Variants in TECTA observed in about 807,000 individuals in gnomAD.
TECTA encodes tectorin alpha.
A neutral mutation model predicts 216.8 loss-of-function variants in TECTA; 128 were observed. The ratio of observed to expected loss-of-function variants is 0.59; its 90% CI spans 0.51 to 0.68. The LOEUF (loss-of-function observed/expected upper bound fraction) is 0.68, where lower values mean the gene tolerates loss of function less well. Ranked by LOEUF, TECTA falls within the 30% of genes least tolerant of loss-of-function variation. TECTA has a pLI of 0.00. For synonymous variants in TECTA, 1,089 were observed against 1,117.1 expected, an observed-to-expected ratio of 0.97 and a Z score of 0.50; for missense variants, 2,551 against 2,786.2, an observed-to-expected ratio of 0.92 and a Z score of 1.90.
Position 121,118,357 on chromosome 11 carries a change from T to C in TECTA, c.842T>C (p.Val281Ala). ...TTTTGGGATGACTTGAACTGCACCG[T>C]CAAGTGCCGCTGTCTGGATTTCAAC... is the stretch of plus-strand genomic sequence containing the variant. ...EVFWDDLNCT[V>A]KCRCLDFNNE... The change falls in exon 7 of 24, where the codon GTC becomes GCC. Residue 281 changes from valine to alanine, a missense_variant. Val to Ala is a moderately conservative substitution (Grantham distance 64). Transcript: ENST00000392793. 1 of 1,614,154 alleles carries C rather than the reference T, an allele frequency of 6.2e-7. No homozygotes were observed. Among genetic ancestry groups the C allele is most frequent in the South Asian group, 1.1e-5 (1 of 91,072 alleles).
At position 121,105,722 on chromosome 11, in the gene TECTA, C is replaced by G. The variant is rs112174996; in HGVS notation, c.65-109C>G. 6 of 1,438,524 alleles carry G rather than the reference C, an allele frequency of 4.2e-6. No homozygotes were observed. In the African/African-American group the frequency reaches 5.6e-5, roughly 13 times the overall value. 89.1% of individuals were successfully genotyped at this position (1,438,524 alleles called of 1,614,324 possible). ...ATGACAGGGCAGTATGACTTGCATT[C>G]AGCTTGCAAGCCCTACTGAAAGAAG... On this transcript the variant is annotated intron_variant, in intron 2 of 23. Coordinates refer to ENST00000392793, the MANE Select transcript of TECTA (RefSeq NM_005422.4). The surrounding 1 kb of genome is among the most constrained non-coding windows in gnomAD (Gnocchi z 5.3).
At chr11:121,159,245 A>C (rs1021833746) in intron 14 of TECTA, among the ~76,000 whole-genome samples, 1 of 152,236 alleles carries the variant, frequency 6.6e-6, no homozygotes, top group African/African-American at 2.4e-5. Context: ...CTTCAATGAA[A>C]GGTGCCACTG....
intron 19 of TECTA, 86 bp from the exon 20 acceptor site, chr11:121,168,591 C>T: frequency 6.2e-7 from 1 of 1,608,040 alleles, no homozygotes; most frequent in Non-Finnish European, 8.5e-7. Flanking sequence ...TTTGCTTTCC[C>T]TCTGCATTCT....
chr11:121,189,033 A>T (rs1386775221), intron 21 of TECTA, 47 bp from the exon 22 acceptor site: 3 of 1,590,386 alleles, frequency 1.9e-6, no homozygotes, highest in Non-Finnish European at 2.6e-6. Context: ...AGAATAAGTT[A>T]TCAGCTTAAT....
intron 3 of TECTA, among the ~76,000 whole-genome samples, chr11:121,108,968 A>G (rs533345259): frequency 6.6e-6 from 1 of 152,362 alleles, no homozygotes; most frequent in East Asian, 1.9e-4. Flanking sequence ...CATGAAAATG[A>G]GACTGATTAT....
At position 121,157,880 on chromosome 11, in the gene TECTA, TGCCGCTGTTTCCGTC is replaced by T; in HGVS notation, c.4348_4362del (p.Arg1450_Arg1454del). The T allele has an allele frequency of 6.2e-7, 1 of 1,614,214 alleles. No individual in the cohort carries two copies. The highest frequency in any genetic ancestry group is 8.5e-7 in the Non-Finnish European group (1 of 1,180,042). On this transcript the variant is annotated inframe_deletion, in exon 14 of 24. Transcript: ENST00000392793. ...TTGGAACAGCGACTGCACGCGGCGC[TGCCGCTGTTTCCGTC>T]GCAACGTGATTCAGTGCGACCCGCG...
intron 13 of TECTA, among the ~76,000 whole-genome samples, 199 bp from the exon 14 acceptor site, chr11:121,157,642 C>G (rs1008966958): frequency 6.6e-6 from 1 of 152,146 alleles, no homozygotes; most frequent in Non-Finnish European, 1.5e-5. Context: ...GTCAAAACTG[C>G]GTATTGTTTG....
rs200977539 is a variant in TECTA, at chr11:121,168,139, C to G, written c.5672C>G (p.Thr1891Arg). 1.2e-6 allele frequency: 2 copies of G among 1,614,048 alleles called. No individual in the cohort carries two copies. Among genetic ancestry groups the G allele is most frequent in the African/African-American group, 2.7e-5 (2 of 74,906 alleles). Reference protein sequence around the residue: ...NTGNIITRDRTINVEFSCAYE... With the variant: ...NTGNIITRDRRINVEFSCAYE... ...GGCAACATCATCACCAGGGACCGCACGATCAATGTGGAATTTTCATGTGCT... is the reference window on the plus strand; with the variant it reads ...GGCAACATCATCACCAGGGACCGCAGGATCAATGTGGAATTTTCATGTGCT... Residue 1891 changes from threonine (T) to arginine (R), a missense_variant, in exon 19 of 24, where the codon ACG (threonine) becomes AGG (arginine). Thr to Arg is a moderately conservative substitution (Grantham distance 71). Around this residue, in one of 3 missense-constraint regions of TECTA, gnomAD observed 2,375 missense variants for 2,563.9 expected, o/e 0.93. Transcript: ENST00000392793.
chr11:121,130,910 G>A (rs569283373), intron 10 of TECTA, among the ~76,000 whole-genome samples: 118 of 151,972 alleles, frequency 7.8e-4, no homozygotes, highest in African/African-American at 1.9e-3. Flanking sequence ...CAAAGCCAAG[G>A]CCACCATTAA....
At chr11:121,122,508 C>G (rs1198287741) in intron 7 of TECTA, among the ~76,000 whole-genome samples, 1 of 151,874 alleles carries the variant, frequency 6.6e-6, no homozygotes, top group Non-Finnish European at 1.5e-5. Flanking sequence ...AGATTGGTAC[C>G]AGGAGTGGGG....
At chr11:121,176,227 A>G (rs1449188251) in intron 20 of TECTA, among the ~76,000 whole-genome samples, 3 of 151,412 alleles carry the variant, frequency 2.0e-5, no homozygotes, top group Admixed American at 6.6e-5. Context: ...TGATCCTGTC[A>G]TTATGATGTT....
intron 7 of TECTA, 122 bp downstream of exon 7, chr11:121,118,840 A>T (rs1467474887): frequency 7.7e-7 from 1 of 1,297,734 alleles, no homozygotes; most frequent in Non-Finnish European, 1.1e-6. Flanking sequence ...AGAGATGCAC[A>T]GCTCTCCCCG....
chr11:121,179,109 T>C (rs1324108359), intron 20 of TECTA, among the ~76,000 whole-genome samples: 2 of 152,126 alleles, frequency 1.3e-5, no homozygotes, highest in Non-Finnish European at 2.9e-5. Context: ...CTTTATTATA[T>C]TTTTCCTTCT....
chr11:121,150,643 A>ATTTTTTTTT (rs202043512), intron 12 of TECTA, among the ~76,000 whole-genome samples: 1 of 127,948 alleles, frequency 7.8e-6, no homozygotes, highest in Non-Finnish European at 1.6e-5. Flanking sequence ...GCCTATTTTA[A>ATTTTTTTTT]TTTTTTTTTT....
At chr11:121,174,627 T>A (rs374315700) in intron 20 of TECTA, among the ~76,000 whole-genome samples, 4 of 152,148 alleles carry the variant, frequency 2.6e-5, no homozygotes, top group East Asian at 1.9e-4. Context: ...ATCAATGTTC[T>A]TCAAGGATAT....
chr11:121,142,872 G>C (rs560722191), intron 11 of TECTA, among the ~76,000 whole-genome samples: 44 of 152,190 alleles, frequency 2.9e-4, no homozygotes, highest in South Asian at 8.3e-4. Context: ...TTGGCCCTCT[G>C]TCATCTCCTC....
At chr11:121,108,755 T>G (rs1280618278) in intron 3 of TECTA, among the ~76,000 whole-genome samples, 2 of 141,458 alleles carry the variant, frequency 1.4e-5, no homozygotes, top group African/African-American at 5.4e-5. Context: ...CTCACCCCAG[T>G]ACACACACAC....
At chr11:121,175,980 A>G (rs1947161845) in intron 20 of TECTA, among the ~76,000 whole-genome samples, 1 of 151,004 alleles carries the variant, frequency 6.6e-6, no homozygotes, top group South Asian at 2.1e-4. Context: ...TGTTGGTTTA[A>G]AGTCTGTTTT....
At chr11:121,173,407 T>C (rs1156308383) in intron 20 of TECTA, among the ~76,000 whole-genome samples, 6 of 143,790 alleles carry the variant, frequency 4.2e-5, no homozygotes, top group Non-Finnish European at 6.1e-5. Context: ...TTTCTACATA[T>C]GGCTAGCCAG....
Sources: allele counts gnomAD v4.1 joint callset (sites outside exome capture counted in the v4.1 genomes callset), GRCh38; gene constraint gnomAD v4.1.1; regional missense constraint gnomAD v4.1.1; non-coding constraint Gnocchi (gnomAD v3.1); transcripts MANE v1.5; gene names NCBI Gene and HGNC (gene_info 2026-07-23, HGNC 2026-07-21).